SYNC: variants seen among roughly 807,000 people sequenced by gnomAD.
SYNC encodes the protein syncoilin, intermediate filament protein.
A neutral mutation model predicts 49.5 loss-of-function variants in SYNC; 38 were observed. The ratio of observed to expected loss-of-function variants is 0.77; its 90% confidence interval spans 0.59 to 1.01. The LOEUF is 1.01. SYNC is among the 50% of genes least tolerant of loss of function. SYNC has a pLI of 0.00. For missense variants in SYNC, 579 were observed against 580.6 expected (o/e 1.00, Z 0.03); for synonymous variants, 201 against 230.8 (o/e 0.87, Z 1.17).
At chr1:32,687,680 A>AG (rs1649927361) in intron 2 of SYNC, among the ~76,000 whole-genome samples, 2 of 150,418 alleles carry the variant, frequency 1.3e-5, no homozygotes, top group African/African-American at 4.9e-5. Flanking sequence ...CAAAAAAAAA[A>AG]AGAAAAAAAT....
chr1:32,691,179 C>T (rs184260875), intron 2 of SYNC, among the ~76,000 whole-genome samples: 1,710 of 143,182 alleles, frequency 0.012, 5 homozygotes, highest in Admixed American at 0.035. Flanking sequence ...GATCATGCCA[C>T]TGCACTCCAG....
At chr1:32,691,205 G>A (rs1173075746) in intron 2 of SYNC, among the ~76,000 whole-genome samples, 3 of 140,280 alleles carry the variant, frequency 2.1e-5, no homozygotes, top group African/African-American at 7.6e-5. Context: ...GTGACAGAGC[G>A]AGACTCCTTC....
chr1:32,691,898 C>T (rs1283242388), intron 2 of SYNC, among the ~76,000 whole-genome samples: 1 of 152,058 alleles, frequency 6.6e-6, no homozygotes, highest in African/African-American at 2.4e-5. Flanking sequence ...AATTCCACCT[C>T]TTTTTTCATG....
chr1:32,680,453 A>C lies in SYNC; in HGVS notation c.*1397T>G. The C allele has an allele frequency of 6.6e-7, 1 of 1,522,162 alleles. No individual in the cohort carries two copies. The highest frequency in any genetic ancestry group is 1.3e-5 in the South Asian group (1 of 78,932). The allele number at this position is 1,522,162 out of a possible 1,614,324, so 94.3% of individuals were successfully genotyped here. A position where few individuals can be genotyped will look rare whatever the true frequency, so the allele number is the denominator to read the frequency against. On this transcript the variant is annotated 3_prime_UTR_variant, in exon 5 of 5. Transcript: ENST00000409190. ...CCACAGGTAGACTGTCAAGTTGAGA[A>C]GAGTGAATCAATAACTTGTATTTGT...
intron 1 of SYNC, among the ~76,000 whole-genome samples, chr1:32,698,069 A>G (rs1434164900): frequency 2.0e-5 from 3 of 151,966 alleles, no homozygotes; most frequent in Non-Finnish European, 4.4e-5. Flanking sequence ...CTAAAAATAC[A>G]AAACTTAGCA....
chr1:32,695,082 A>G lies in SYNC; in HGVS notation c.1016T>C (p.Leu339Pro), dbSNP rs1488824582. 6 of 1,613,286 alleles carry G rather than the reference A, an allele frequency of 3.7e-6. No homozygotes were observed. Among genetic ancestry groups the G allele is most frequent in the Non-Finnish European group, 5.1e-6 (6 of 1,179,960 alleles). ...ENLMAESRQD[L>P]EEEYEPQFLR... Reference sequence around the variant, plus strand: ...GAACTGAGGCTCATACTCCTCCTCCAGGTCCTGGCGGCTCTCTGCCATGAG... The same window carrying G: ...GAACTGAGGCTCATACTCCTCCTCCGGGTCCTGGCGGCTCTCTGCCATGAG... The change falls in exon 2 of 5, where the codon CTG becomes CCG. Residue 339 changes from leucine to proline, a missense_variant. Leu to Pro is a moderately conservative substitution (Grantham distance 98, BLOSUM62 -3). Transcript: ENST00000409190.
At chr1:32,701,089 T>C (rs928505648) in intron 1 of SYNC, among the ~76,000 whole-genome samples, 2 of 152,140 alleles carry the variant, frequency 1.3e-5, no homozygotes, top group Admixed American at 6.6e-5. Context: ...CTAATTTTTG[T>C]ATTTTTAGTA....
chr1:32,698,840 G>A (rs566256911), intron 1 of SYNC, among the ~76,000 whole-genome samples: 8 of 151,000 alleles, frequency 5.3e-5, no homozygotes, highest in Middle Eastern at 3.4e-3. Context: ...GAGTACTGTG[G>A]CATGATCATA....
At chr1:32,684,577 A>C in intron 2 of SYNC, 195 bp from the exon 3 acceptor site, 1 of 755,644 alleles carries the variant, frequency 1.3e-6, no homozygotes, top group South Asian at 1.9e-5. Context: ...GCTTTTGAAA[A>C]TGATGACGAA....
chr1:32,679,995 T>G lies in SYNC; in HGVS notation c.*1855A>C. 8.6e-7 allele frequency: 1 copy of G among 1,167,992 alleles called. No individual in the cohort carries two copies. Among genetic ancestry groups the G allele is most frequent in the Non-Finnish European group, 1.1e-6 (1 of 947,250 alleles). 72.4% of individuals were successfully genotyped at this position (1,167,992 alleles called of 1,614,324 possible). On this transcript the variant is annotated 3_prime_UTR_variant, in exon 5 of 5. Coordinates refer to ENST00000409190, the MANE Select transcript of SYNC (RefSeq NM_030786.3). ...TTATGTGTGATTATTTTTCTTCTTA[T>G]GCTATATCCCCAAGTTTTTCAGACT... is the stretch of plus-strand genomic sequence containing the variant.
At chr1:32,686,016 AC>A (rs1404366223) in intron 2 of SYNC, 2 of 152,210 alleles carry the variant, frequency 1.3e-5, no homozygotes, top group Admixed American at 6.5e-5. Flanking sequence ...CTAGCCCTGG[AC>A]TACTAGTACC....
At chr1:32,691,853 G>A (rs1650181894) in intron 2 of SYNC, among the ~76,000 whole-genome samples, 1 of 152,070 alleles carries the variant, frequency 6.6e-6, no homozygotes, top group Non-Finnish European at 1.5e-5. Context: ...GGCAGCACTG[G>A]TCTAGATTCT....
upstream of SYNC, chr1:32,703,577 A>T (rs930430183): frequency 2.6e-5 from 4 of 152,064 alleles, no homozygotes; most frequent in African/African-American, 7.3e-5. Context: ...CTTCCTTCGG[A>T]TTCCTTTTTC....
intron 2 of SYNC, among the ~76,000 whole-genome samples, chr1:32,687,600 A>T (rs1429872280): frequency 6.6e-6 from 1 of 150,564 alleles, no homozygotes; most frequent in Non-Finnish European, 1.5e-5. Flanking sequence ...TGAACCCGGG[A>T]GGCAAAGGTT....
intron 2 of SYNC, among the ~76,000 whole-genome samples, chr1:32,690,111 G>C (rs911934039): frequency 3.3e-5 from 5 of 152,180 alleles, no homozygotes; most frequent in South Asian, 2.1e-4. Context: ...AGATAAAGTG[G>C]CTCACACCTG....
intron 2 of SYNC, among the ~76,000 whole-genome samples, chr1:32,689,838 G>A (rs1057249607): frequency 1.3e-5 from 2 of 151,668 alleles, no homozygotes; most frequent in African/African-American, 4.8e-5. Flanking sequence ...CTACTTGAGA[G>A]GCTGAGGCAG....
At chr1:32,696,896 T>C (rs1034933936) in intron 1 of SYNC, among the ~76,000 whole-genome samples, 3 of 151,732 alleles carry the variant, frequency 2.0e-5, no homozygotes, top group African/African-American at 7.3e-5. Context: ...TACAGACACG[T>C]GCCATCACAC....
intron 1 of SYNC, among the ~76,000 whole-genome samples, chr1:32,697,872 T>A (rs77059066): frequency 0.011 from 1,712 of 152,284 alleles, 23 homozygotes; most frequent in Non-Finnish European, 0.016. Context: ...GATTTTTTTT[T>A]AATTTGCCTT....
At chr1:32,691,596 G>T (rs1650172173) in intron 2 of SYNC, among the ~76,000 whole-genome samples, 1 of 150,878 alleles carries the variant, frequency 6.6e-6, no homozygotes, top group African/African-American at 2.4e-5. Context: ...TTACTTCCCT[G>T]ATTAAATCCC....
Sources: allele counts gnomAD v4.1 joint callset (sites outside exome capture counted in the v4.1 genomes callset), GRCh38; gene constraint gnomAD v4.1.1; transcripts MANE v1.5; gene names NCBI Gene and HGNC (gene_info 2026-07-23, HGNC 2026-07-21).